Variants in KAZN observed in about 807,000 individuals in gnomAD.
The protein encoded by KAZN is kazrin.
KAZN carries 40 observed loss-of-function variants against 87.4 expected under a neutral mutation model. The observed-to-expected ratio is 0.46, with a 90% CI of 0.36 to 0.60. The LOEUF is 0.60. Ranked by LOEUF, KAZN falls within the 20% of genes least tolerant of loss-of-function variation. The pLI, the probability that KAZN is intolerant of heterozygous loss-of-function variation, is 0.00. For synonymous variants in KAZN, 466 were observed against 458.3 expected (o/e 1.02, Z -0.22); for missense variants, 898 against 1,073.9 (o/e 0.84, Z 2.29).
At chr1:14,915,906 T>C (rs7515789) in intron 1 of KAZN, among the ~76,000 whole-genome samples, 21,327 of 152,132 alleles carry the variant, frequency 0.14, 1,741 homozygotes, top group South Asian at 0.27. Context: ...TGGCTATGAG[T>C]ATGGACCTTG....
chr1:14,972,765 G>T (rs1174654113), intron 2 of KAZN, among the ~76,000 whole-genome samples: 141 of 152,136 alleles, frequency 9.3e-4, no homozygotes, highest in African/African-American at 3.2e-3. Flanking sequence ...TTCGCCCACT[G>T]TGGCCTCCCA....
At chr1:15,003,008 A>G (rs930496183) in intron 2 of KAZN, among the ~76,000 whole-genome samples, 68 of 135,484 alleles carry the variant, frequency 5.0e-4, no homozygotes, top group Middle Eastern at 3.6e-3. Context: ...ATAAACGTAC[A>G]CACACACACA....
At chr1:14,174,150 G>A (rs1218631618) in intron 1 of KAZN, among the ~76,000 whole-genome samples, 1 of 152,192 alleles carries the variant, frequency 6.6e-6, no homozygotes, top group Non-Finnish European at 1.5e-5. Context: ...ACAAATGGGT[G>A]GTATAGGGAG....
intron 2 of KAZN, among the ~76,000 whole-genome samples, chr1:14,454,046 C>T (rs1308500110): frequency 6.6e-6 from 1 of 152,154 alleles, no homozygotes; most frequent in Non-Finnish European, 1.5e-5. Flanking sequence ...GGCAATGAGC[C>T]TTTTCTTTCA....
intron 1 of KAZN, among the ~76,000 whole-genome samples, chr1:14,841,864 G>T (rs534794536): frequency 6.6e-6 from 1 of 152,150 alleles, no homozygotes; most frequent in African/African-American, 2.4e-5. Flanking sequence ...ACTCATCTCT[G>T]TTCATCCTGT....
rs138998827 is a variant in KAZN, at chr1:14,034,207, T to C, written c.91+140451T>C. Among the ~76,000 whole-genome samples, 3 of 152,254 alleles carry C rather than the reference T, an allele frequency of 2.0e-5. No individual in the cohort carries two copies. In the East Asian group the frequency reaches 5.8e-4, roughly 29 times the overall value. ...AATGGCAAATCTAGACCTGGATCCA[T>C]ACCACAAAAGAAAAAGAAGTGTTCA... On this transcript the variant is annotated intron_variant, in intron 1 of 16. Transcript: ENST00000636203.
At chr1:14,982,345 T>G (rs1365466014) in intron 2 of KAZN, among the ~76,000 whole-genome samples, 3 of 150,460 alleles carry the variant, frequency 2.0e-5, no homozygotes, top group African/African-American at 7.4e-5. Flanking sequence ...GGCTTGGGCA[T>G]GGGACAGGGC....
chr1:14,362,429 G>GGAAGTAACATTTCAACA, intron 2 of KAZN, among the ~76,000 whole-genome samples: 1 of 152,284 alleles, frequency 6.6e-6, no homozygotes, highest in African/African-American at 2.4e-5. Context: ...GCAATCTTAT[G>GGAAGTAACATTTCAACA]TGACACAATC....
intron 1 of KAZN, among the ~76,000 whole-genome samples, chr1:14,706,834 C>G (rs1181789939): frequency 6.6e-6 from 1 of 152,132 alleles, no homozygotes; most frequent in Admixed American, 6.5e-5. Flanking sequence ...ACCCTTTGAG[C>G]TGTTTCTCTT....
At chr1:14,207,592 T>G (rs1348315868) in intron 2 of KAZN, among the ~76,000 whole-genome samples, 1 of 152,202 alleles carries the variant, frequency 6.6e-6, no homozygotes, top group African/African-American at 2.4e-5. Context: ...TATTTTTGCA[T>G]TAATCAAAAA....
chr1:14,909,452 C>A (rs2690013), intron 1 of KAZN, among the ~76,000 whole-genome samples: 106,377 of 152,014 alleles, frequency 0.7, 37,737 homozygotes, highest in Admixed American at 0.77. Context: ...CCAATTTCCT[C>A]CCACCTAACT....
At chr1:13,932,008 A>G (rs1421227128) in intron 1 of KAZN, among the ~76,000 whole-genome samples, 1 of 122,918 alleles carries the variant, frequency 8.1e-6, no homozygotes. Flanking sequence ...GGCTTGGCTA[A>G]TTTTTTTTTT....
intron 2 of KAZN, among the ~76,000 whole-genome samples, chr1:14,497,948 TC>T (rs1197179895): frequency 1.3e-5 from 2 of 152,196 alleles, no homozygotes; most frequent in African/African-American, 4.8e-5. Context: ...TTTAATGACT[TC>T]CTATGCCTTC....
chr1:14,307,926 A>T (rs1655038809), intron 2 of KAZN, among the ~76,000 whole-genome samples: 1 of 152,230 alleles, frequency 6.6e-6, no homozygotes, highest in South Asian at 2.1e-4. Flanking sequence ...CAATATTGGG[A>T]CAACAGAACA....
chr1:15,056,371 G>T lies in KAZN; in HGVS notation c.916+91G>T. The T allele has an allele frequency of 1.5e-6, 2 of 1,313,810 alleles. No individual in the cohort carries two copies. Among genetic ancestry groups the T allele is most frequent in the Non-Finnish European group, 2.1e-6 (2 of 966,712 alleles). The allele number at this position is 1,313,810 out of a possible 1,614,324, so 81.4% of individuals were successfully genotyped here. On this transcript the variant is annotated intron_variant, in intron 5 of 14. Coordinates refer to ENST00000376030, the MANE Select transcript of KAZN (RefSeq NM_201628.3). The surrounding 1 kb of genome is among the most constrained non-coding windows in gnomAD (Gnocchi z 5.4). The stretch of plus-strand genomic sequence containing the variant: ...AGTGGGAGAGGCAGCTGCTTTGTTC[G>T]TACTACAGCAGCTTGGGGGCGTGGG...
At position 15,060,512 on chromosome 1, in the gene KAZN, G is replaced by T. The variant is rs770081828; in HGVS notation, c.1047+210G>T. 25 of 653,512 alleles carry T rather than the reference G, an allele frequency of 3.8e-5. 1 individual carries two copies. Among genetic ancestry groups the T allele is most frequent in the Middle Eastern group, 4.5e-4 (1 of 2,234 alleles). The allele number at this position is 653,512 out of a possible 1,614,324, so 40.5% of individuals were successfully genotyped here. ...TGAGGCCCGTTTGCTCCTTGTGTCC[G>T]GGAGGGTGAGGAGAATCCAGAGGAA... is the stretch of plus-strand genomic sequence containing the variant. On this transcript the variant is annotated intron_variant, in intron 6 of 14. Coordinates refer to ENST00000376030, the MANE Select transcript of KAZN (RefSeq NM_201628.3).
intron 1 of KAZN, among the ~76,000 whole-genome samples, chr1:14,123,523 C>T (rs760354374): frequency 2.0e-5 from 3 of 152,068 alleles, no homozygotes; most frequent in African/African-American, 4.8e-5. Context: ...AATTTTTAAG[C>T]GAGAATTCCA....
At chr1:14,965,552 A>G (rs1383673304) in intron 2 of KAZN, among the ~76,000 whole-genome samples, 1 of 152,252 alleles carries the variant, frequency 6.6e-6, no homozygotes. Flanking sequence ...TCCCACAACA[A>G]TAAATACTCT....
intron 2 of KAZN, among the ~76,000 whole-genome samples, chr1:14,200,572 G>A (rs960921584): frequency 1.3e-5 from 2 of 152,168 alleles, no homozygotes; most frequent in African/African-American, 2.4e-5. Context: ...ATATGCATAT[G>A]TTATTTGTAA....
Sources: gnomAD v4.1 joint callset for allele counts (sites outside exome capture counted in the v4.1 genomes callset) on GRCh38, gnomAD v4.1.1 for gene constraint, Gnocchi (gnomAD v3.1) non-coding constraint, MANE v1.5 for transcripts, NCBI Gene and HGNC (gene_info 2026-07-23, HGNC 2026-07-21) for gene names.